The following TEX11 variants were observed in gnomAD, a reference collection of about 807,000 sequenced individuals.
TEX11 encodes the protein testis expressed 11.
TEX11 carries 7 observed loss-of-function variants against 84.4 expected under a neutral mutation model. The observed-to-expected ratio is 0.08, with a 90% confidence interval of 0.05 to 0.16. The LOEUF (loss-of-function observed/expected upper bound fraction) is 0.16, where lower values mean the gene tolerates loss of function less well. TEX11 is among the 10% of genes least tolerant of loss of function. TEX11 has a pLI of 1.00. For synonymous variants in TEX11, 264 were observed against 222.8 expected, an observed-to-expected ratio of 1.18 and a Z score of -1.64; for missense variants, 551 against 660.5, an observed-to-expected ratio of 0.83 and a Z score of 1.82.
chrX:70,636,361 G>A (rs2089573311), intron 17 of TEX11, among the ~76,000 whole-genome samples: 1 of 111,009 alleles, frequency 9.0e-6, no homozygotes, highest in African/African-American at 3.3e-5. Context: ...AGTAGACCCA[G>A]GGTCCAGGCC....
intron 28 of TEX11, among the ~76,000 whole-genome samples, chrX:70,545,933 G>A (rs1569318549): frequency 8.9e-6 from 1 of 112,064 alleles, no homozygotes; most frequent in South Asian, 3.7e-4. Context: ...AGAGCAGTCA[G>A]GATCCTCAGA....
chrX:70,798,829 C>CA (rs2091170744), intron 9 of TEX11, among the ~76,000 whole-genome samples: 1 of 111,266 alleles, frequency 9.0e-6, no homozygotes, highest in Non-Finnish European at 1.9e-5. Flanking sequence ...CCACCTTATG[C>CA]AAAAAATCAA....
chrX:70,606,435 A>T (rs1355329286), intron 23 of TEX11, among the ~76,000 whole-genome samples: 1 of 112,152 alleles, frequency 8.9e-6, no homozygotes, highest in Non-Finnish European at 1.9e-5. Flanking sequence ...GCCAACGACT[A>T]TTTAAAAATG....
intron 24 of TEX11, among the ~76,000 whole-genome samples, chrX:70,603,395 G>A (rs1455954446): frequency 2.0e-5 from 2 of 101,605 alleles, no homozygotes; most frequent in African/African-American, 3.6e-5. Flanking sequence ...CAGAAATAAC[G>A]CCGCATATCT....
At chrX:70,791,897 G>A (rs748355594) in intron 9 of TEX11, among the ~76,000 whole-genome samples, 39 of 110,731 alleles carry the variant, frequency 3.5e-4, no homozygotes, top group Non-Finnish European at 7.0e-4. Context: ...AGGCCGAGGC[G>A]GGTGGATCAC....
chrX:70,717,189 C>T (rs1407639971), intron 13 of TEX11, among the ~76,000 whole-genome samples: 7 of 109,367 alleles, frequency 6.4e-5, no homozygotes, highest in African/African-American at 1.3e-4. Context: ...AAAAAAAGAT[C>T]GCTTAAGAGA....
chrX:70,555,700 T>C (rs1426119673), intron 25 of TEX11, among the ~76,000 whole-genome samples: 1 of 112,277 alleles, frequency 8.9e-6, no homozygotes, highest in Non-Finnish European at 1.9e-5. Context: ...GAACTGGGAA[T>C]TGGGCCCTCC....
intron 20 of TEX11, among the ~76,000 whole-genome samples, chrX:70,610,783 A>T (rs1396399131): frequency 8.9e-6 from 1 of 111,809 alleles, no homozygotes; most frequent in African/African-American, 3.2e-5. Flanking sequence ...ACTCTCAGCA[A>T]AGGATTTCAA....
At chrX:70,874,973 G>A (rs1266223516) in intron 3 of TEX11, among the ~76,000 whole-genome samples, 1 of 108,920 alleles carries the variant, frequency 9.2e-6, no homozygotes, top group East Asian at 3.0e-4. Context: ...TCAGGTGTTC[G>A]AGACCAGCCT....
chrX:70,592,573 C>A (rs1419852103), intron 24 of TEX11, among the ~76,000 whole-genome samples: 2 of 111,822 alleles, frequency 1.8e-5, no homozygotes, highest in African/African-American at 3.2e-5. Flanking sequence ...AATCTCATCT[C>A]ATCTCAGCTC....
chrX:70,847,462 C>T (rs2147848340), intron 7 of TEX11, among the ~76,000 whole-genome samples: 1 of 111,705 alleles, frequency 9.0e-6, no homozygotes, highest in Non-Finnish European at 1.9e-5. Flanking sequence ...TCCAAACTCT[C>T]TTCTCGTGAA....
intron 2 of TEX11, among the ~76,000 whole-genome samples, chrX:70,880,531 T>C (rs1217149727): frequency 9.4e-6 from 1 of 106,912 alleles, no homozygotes; most frequent in Admixed American, 1.0e-4. Flanking sequence ...CTGTACTCCA[T>C]GCAGCATGGG....
chrX:70,655,779 T>C (rs1285042143), intron 16 of TEX11, among the ~76,000 whole-genome samples: 1 of 111,312 alleles, frequency 9.0e-6, no homozygotes, highest in African/African-American at 3.3e-5. Context: ...AGTGTATACA[T>C]TTCTGTTGTT....
chrX:70,648,415 AAAAT>A (rs201824512), intron 17 of TEX11, among the ~76,000 whole-genome samples: 1,376 of 110,754 alleles, frequency 0.012, 28 homozygotes, highest in Admixed American at 0.063. Context: ...GTATAATAAT[AAAAT>A]AAATAAATAA....
intron 16 of TEX11, among the ~76,000 whole-genome samples, chrX:70,658,075 T>C (rs2089889011): frequency 9.1e-6 from 1 of 110,130 alleles, no homozygotes; most frequent in Non-Finnish European, 1.9e-5. Flanking sequence ...TAAAGTATAA[T>C]AATAAAAATT....
intron 15 of TEX11, among the ~76,000 whole-genome samples, chrX:70,675,256 G>C (rs1302603872): frequency 8.9e-6 from 1 of 112,230 alleles, no homozygotes; most frequent in East Asian, 2.8e-4. Context: ...CATTTGTATA[G>C]ATTCATATTT....
chrX:70,687,137 A>G (rs1179475939), intron 13 of TEX11, among the ~76,000 whole-genome samples: 1 of 111,308 alleles, frequency 9.0e-6, no homozygotes, highest in Non-Finnish European at 1.9e-5. Flanking sequence ...ATTTTATTTA[A>G]CCCATCTTTC....
chrX:70,682,396 G>T (rs2090154517), intron 14 of TEX11, among the ~76,000 whole-genome samples: 1 of 111,217 alleles, frequency 9.0e-6, no homozygotes, highest in Non-Finnish European at 1.9e-5. Context: ...ATTAAATTAG[G>T]CTTGTAACCT....
At chrX:70,613,657 G>C (rs1235612749) in intron 20 of TEX11, among the ~76,000 whole-genome samples, 1 of 111,524 alleles carries the variant, frequency 9.0e-6, no homozygotes, top group Non-Finnish European at 1.9e-5. Flanking sequence ...TGCTGAGCTG[G>C]GCTCAGAACC....
Sources: gnomAD v4.1 joint callset for allele counts (sites outside exome capture counted in the v4.1 genomes callset) on GRCh38, gnomAD v4.1.1 for gene constraint, MANE v1.5 for transcripts, NCBI Gene and HGNC (gene_info 2026-07-23, HGNC 2026-07-21) for gene names.